LRP6: variants seen among roughly 807,000 people sequenced by gnomAD.
LRP6 encodes LDL receptor related protein 6, also known as low-density lipoprotein receptor-related protein 6.
A neutral mutation model predicts 184.1 loss-of-function variants in LRP6; 43 were observed. The observed-to-expected ratio is 0.23, with a 90% CI of 0.18 to 0.30. The LOEUF (loss-of-function observed/expected upper bound fraction) is 0.30, where lower values mean the gene tolerates loss of function less well. Ranked by LOEUF, LRP6 falls within the 10% of genes least tolerant of loss-of-function variation. LRP6 has a pLI of 1.00. For synonymous variants in LRP6, 719 were observed against 684.9 expected (o/e 1.05, Z -0.78); for missense variants, 1,571 against 2,005.3 (o/e 0.78, Z 4.14).
chr12:12,206,782 A>G (rs1203931798), intron 2 of LRP6, among the ~76,000 whole-genome samples: 3 of 151,912 alleles, frequency 2.0e-5, no homozygotes, highest in African/African-American at 4.8e-5. Context: ...ATAAAATTGG[A>G]GGTGAAATGA....
intron 15 of LRP6, among the ~76,000 whole-genome samples, chr12:12,144,825 A>G (rs964223407): frequency 6.8e-6 from 1 of 148,056 alleles, no homozygotes; most frequent in Non-Finnish European, 1.5e-5. Flanking sequence ...AGAAAACCAA[A>G]CACCACATGT....
intron 2 of LRP6, among the ~76,000 whole-genome samples, chr12:12,210,163 G>A (rs1864170106): frequency 6.6e-6 from 1 of 152,070 alleles, no homozygotes; most frequent in African/African-American, 2.4e-5. Context: ...TAACATTGAG[G>A]GACTGGCTAG....
At chr12:12,216,033 C>G (rs1476048638) in intron 2 of LRP6, among the ~76,000 whole-genome samples, 2 of 152,034 alleles carry the variant, frequency 1.3e-5, no homozygotes, top group African/African-American at 4.8e-5. Flanking sequence ...TAATAATGAT[C>G]TATTTGTGTG....
At chr12:12,229,268 G>A (rs1864712725) in intron 2 of LRP6, among the ~76,000 whole-genome samples, 2 of 151,700 alleles carry the variant, frequency 1.3e-5, no homozygotes, top group Admixed American at 6.6e-5. Flanking sequence ...TACTTGGGAG[G>A]CTGAGGCAGG....
intron 4 of LRP6, among the ~76,000 whole-genome samples, chr12:12,185,672 A>G (rs1264522381): frequency 6.6e-6 from 1 of 152,134 alleles, no homozygotes; most frequent in Non-Finnish European, 1.5e-5. Context: ...AGTCATTGTA[A>G]AGGCTGACCA....
intron 15 of LRP6, chr12:12,139,030 G>A (rs777309046): frequency 1.4e-5 from 18 of 1,291,306 alleles, no homozygotes; most frequent in African/African-American, 3.1e-5. Context: ...AGACTCTGAG[G>A]AGGCAACTTC....
At chr12:12,205,426 G>A (rs1864033748) in intron 2 of LRP6, among the ~76,000 whole-genome samples, 1 of 150,830 alleles carries the variant, frequency 6.6e-6, no homozygotes, top group African/African-American at 2.4e-5. Context: ...TGAAATTCAG[G>A]TATAAGTTTT....
At chr12:12,166,545 T>G (rs1862883357) in intron 7 of LRP6, among the ~76,000 whole-genome samples, 1 of 152,224 alleles carries the variant, frequency 6.6e-6, no homozygotes, top group Non-Finnish European at 1.5e-5. Context: ...CTATCTTATT[T>G]TGCATTATCT....
At chr12:12,180,034 C>A in intron 6 of LRP6, 53 bp from the exon 7 acceptor site, 1 of 1,466,658 alleles carries the variant, frequency 6.8e-7, no homozygotes, top group East Asian at 2.3e-5. Context: ...ATGTAACTTT[C>A]AGATATTCTA....
intron 2 of LRP6, among the ~76,000 whole-genome samples, chr12:12,230,315 G>A (rs1864749905): frequency 6.6e-6 from 1 of 151,994 alleles, no homozygotes; most frequent in Admixed American, 6.6e-5. Context: ...ATTTGATTAG[G>A]TAAGGATAAA....
intron 15 of LRP6, among the ~76,000 whole-genome samples, chr12:12,146,018 C>T (rs1950002335): frequency 6.6e-6 from 1 of 152,072 alleles, no homozygotes; most frequent in African/African-American, 2.4e-5. Flanking sequence ...TTAAACAAAA[C>T]TAGATCTTAA....
chr12:12,150,803 G>A (rs1275214073), intron 13 of LRP6, 33 bp downstream of exon 13: 1 of 1,609,376 alleles, frequency 6.2e-7, no homozygotes, highest in South Asian at 1.1e-5. Flanking sequence ...TATTAGTCAG[G>A]AGAAATGAAT....
intron 2 of LRP6, among the ~76,000 whole-genome samples, chr12:12,223,189 A>AC (rs1193840842): frequency 6.6e-6 from 1 of 151,606 alleles, no homozygotes; most frequent in Non-Finnish European, 1.5e-5. Context: ...AAAAAAAAAA[A>AC]AAAAAACCAG....
chr12:12,206,896 G>GT (rs1186077930), intron 2 of LRP6, among the ~76,000 whole-genome samples: 5 of 151,884 alleles, frequency 3.3e-5, no homozygotes, highest in Non-Finnish European at 7.4e-5. Flanking sequence ...AATAGGCTCT[G>GT]TGAGTTCAGC....
At chr12:12,125,242 T>TA (rs1949656689) in intron 21 of LRP6, 54 bp downstream of exon 21, 3 of 1,602,028 alleles carry the variant, frequency 1.9e-6, no homozygotes, top group Non-Finnish European at 2.6e-6. Flanking sequence ...TTAAATGAGT[T>TA]AAAAAATCTA....
At chr12:12,220,109 A>T (rs544215375) in intron 2 of LRP6, among the ~76,000 whole-genome samples, 38 of 152,190 alleles carry the variant, frequency 2.5e-4, no homozygotes, top group African/African-American at 9.2e-4. Context: ...CCAACATGGT[A>T]AAACCCTGTC....
chr12:12,189,660 C>A (rs61130413), intron 3 of LRP6, among the ~76,000 whole-genome samples: 29,050 of 151,950 alleles, frequency 0.19, 2,878 homozygotes, highest in African/African-American at 0.23. Context: ...CACCACCATG[C>A]CTGGCTAATT....
At position 12,138,547 on chromosome 12, in the gene LRP6, G is replaced by T; in HGVS notation, c.3398-13C>A. On this transcript the variant is annotated splice_polypyrimidine_tract_variant and intron_variant, in intron 15 of 22. Coordinates refer to ENST00000261349, the MANE Select transcript of LRP6 (RefSeq NM_002336.3). Reference sequence around the variant, plus strand: ...ATCCGGTTAGCACCTTGGAAAAGGAGAAAATTCAACAGAAATGACTCATGT... The same window carrying T: ...ATCCGGTTAGCACCTTGGAAAAGGATAAAATTCAACAGAAATGACTCATGT... 1 of 1,607,156 alleles carries T rather than the reference G, an allele frequency of 6.2e-7. No individual in the cohort carries two copies. The highest frequency in any genetic ancestry group is 1.1e-5 in the South Asian group (1 of 90,904).
At chr12:12,200,699 T>G (rs1267687674) in intron 3 of LRP6, among the ~76,000 whole-genome samples, 1 of 152,170 alleles carries the variant, frequency 6.6e-6, no homozygotes, top group Non-Finnish European at 1.5e-5. Flanking sequence ...TTCCAACCAC[T>G]GTAATATATA....
Sources: allele counts gnomAD v4.1 joint callset (sites outside exome capture counted in the v4.1 genomes callset), GRCh38; gene constraint gnomAD v4.1.1; transcripts MANE v1.5; gene names NCBI Gene and HGNC (gene_info 2026-07-23, HGNC 2026-07-21).